The following CSMD1 variants were observed in gnomAD, a reference collection of about 807,000 sequenced individuals.
CSMD1 encodes the protein CUB and Sushi multiple domains 1.
Under a neutral mutation model 417.5 loss-of-function variants are expected in CSMD1, and 213 were observed. The ratio of observed to expected loss-of-function variants is 0.51; its 90% CI spans 0.46 to 0.57. The LOEUF is 0.57. CSMD1 is among the 20% of genes least tolerant of loss of function. The probability of loss-of-function intolerance (pLI) is 0.00; values close to 1 mark genes in which losing one functional copy is unlikely to be tolerated. For missense variants in CSMD1, 6,923 were observed against 4,529.7 expected, an observed-to-expected ratio of 1.53 and a Z score of -15.17; for synonymous variants, 2,862 against 1,736.8, an observed-to-expected ratio of 1.65 and a Z score of -16.11.
intron 3 of CSMD1, among the ~76,000 whole-genome samples, chr8:4,068,323 G>C (rs74561091): frequency 7.0e-4 from 106 of 152,256 alleles, no homozygotes; most frequent in Admixed American, 1.3e-3. Flanking sequence ...AGAGCTGTGA[G>C]GCCAGCATGA....
At chr8:4,053,246 G>C (rs954668223) in intron 3 of CSMD1, among the ~76,000 whole-genome samples, 1 of 152,212 alleles carries the variant, frequency 6.6e-6, no homozygotes, top group African/African-American at 2.4e-5. Context: ...TTAGAACTTA[G>C]ACTACCAAGA....
At chr8:4,493,092 C>G (rs1191310022) in intron 2 of CSMD1, among the ~76,000 whole-genome samples, 3 of 152,124 alleles carry the variant, frequency 2.0e-5, no homozygotes, top group Non-Finnish European at 4.4e-5. Context: ...TAAAAGTATA[C>G]TGAACCATCT....
chr8:4,311,917 A>C, intron 3 of CSMD1, among the ~76,000 whole-genome samples: 1 of 152,032 alleles, frequency 6.6e-6, no homozygotes, highest in East Asian at 1.9e-4. Context: ...CATGACACTT[A>C]TTTACCTGTG....
chr8:3,466,618 G>A (rs112544899), intron 12 of CSMD1, among the ~76,000 whole-genome samples: 2,399 of 143,118 alleles, frequency 0.017, 85 homozygotes, highest in African/African-American at 0.059. Context: ...AGGAGAGATA[G>A]GGGTTTCACC....
At chr8:3,188,651 T>A (rs1179764517) in intron 35 of CSMD1, among the ~76,000 whole-genome samples, 6 of 151,810 alleles carry the variant, frequency 4.0e-5, no homozygotes, top group South Asian at 2.1e-4. Context: ...GTTTTTATTT[T>A]AAAAAATTGA....
chr8:4,994,106 G>A (rs78321569), intron 1 of CSMD1, among the ~76,000 whole-genome samples: 1 of 151,980 alleles, frequency 6.6e-6, no homozygotes, highest in Non-Finnish European at 1.5e-5. Context: ...GTGAGCCCAA[G>A]AGAGGGGGAA....
At chr8:4,720,262 T>G (rs1056491806) in intron 1 of CSMD1, among the ~76,000 whole-genome samples, 27 of 152,002 alleles carry the variant, frequency 1.8e-4, no homozygotes, top group Non-Finnish European at 2.9e-4. Flanking sequence ...TTTGGAAAAG[T>G]TGGAAAAATT....
chr8:3,483,457 T>G (rs1188562248), intron 11 of CSMD1, among the ~76,000 whole-genome samples: 1 of 152,016 alleles, frequency 6.6e-6, no homozygotes, highest in South Asian at 2.1e-4. Context: ...ATCTAAATAG[T>G]CCTTTATTAT....
intron 5 of CSMD1, among the ~76,000 whole-genome samples, chr8:3,865,229 T>C (rs1805002578): frequency 6.6e-6 from 1 of 152,254 alleles, no homozygotes; most frequent in South Asian, 2.1e-4. Context: ...TCATCATCTC[T>C]GTCCTCAACT....
intron 2 of CSMD1, among the ~76,000 whole-genome samples, chr8:4,449,920 G>A (rs1283381447): frequency 2.6e-5 from 4 of 152,154 alleles, no homozygotes; most frequent in African/African-American, 9.7e-5. Flanking sequence ...TGGGCACCAT[G>A]CCCAATACAC....
chr8:4,151,936 T>C (rs937881191), intron 3 of CSMD1, among the ~76,000 whole-genome samples: 1 of 152,192 alleles, frequency 6.6e-6, no homozygotes, highest in Non-Finnish European at 1.5e-5. Context: ...AAGTTTTGCC[T>C]GCATAAAATC....
At chr8:3,792,820 C>G (rs567904857) in intron 5 of CSMD1, among the ~76,000 whole-genome samples, 77 of 152,328 alleles carry the variant, frequency 5.1e-4, no homozygotes, top group African/African-American at 1.8e-3. Flanking sequence ...AGAGAAACAA[C>G]TACTCTCTGT....
intron 2 of CSMD1, among the ~76,000 whole-genome samples, chr8:4,474,864 T>G (rs1016970595): frequency 6.6e-6 from 1 of 152,222 alleles, no homozygotes; most frequent in Non-Finnish European, 1.5e-5. Flanking sequence ...TCCTTATGAC[T>G]TTCTTAACAT....
chr8:4,922,547 T>A (rs116384196), intron 1 of CSMD1, among the ~76,000 whole-genome samples: 5,800 of 152,306 alleles, frequency 0.038, 127 homozygotes, highest in South Asian at 0.054. Flanking sequence ...CCCTTTCAGT[T>A]TTTAAGTGCA....
chr8:4,032,943 T>C (rs959450400), intron 3 of CSMD1, among the ~76,000 whole-genome samples: 2 of 152,034 alleles, frequency 1.3e-5, no homozygotes, highest in Non-Finnish European at 2.9e-5. Flanking sequence ...GAATTACTGA[T>C]AGAACAGGCT....
At chr8:3,640,438 T>C (rs1378264978) in intron 7 of CSMD1, among the ~76,000 whole-genome samples, 3 of 152,234 alleles carry the variant, frequency 2.0e-5, no homozygotes, top group Admixed American at 2.0e-4. Flanking sequence ...CTTTCCTATG[T>C]CCTCGGACTC....
At chr8:3,633,412 G>A (rs1318672290) in intron 7 of CSMD1, among the ~76,000 whole-genome samples, 2 of 152,190 alleles carry the variant, frequency 1.3e-5, no homozygotes, top group Non-Finnish European at 2.9e-5. Flanking sequence ...AGACTTCACA[G>A]TGAATGGTTG....
intron 25 of CSMD1, among the ~76,000 whole-genome samples, chr8:3,286,161 C>G (rs141040973): frequency 2.6e-5 from 4 of 152,010 alleles, no homozygotes; most frequent in Non-Finnish European, 5.9e-5. Context: ...TGAACTCATA[C>G]TTCTTTATGG....
chr8:3,904,381 G>A (rs376954667), intron 5 of CSMD1, among the ~76,000 whole-genome samples: 9 of 152,022 alleles, frequency 5.9e-5, no homozygotes, highest in African/African-American at 2.2e-4. Context: ...TTATTGCAAT[G>A]GAAACCTCTT....
Sources: allele counts gnomAD v4.1 joint callset (sites outside exome capture counted in the v4.1 genomes callset), GRCh38; gene constraint gnomAD v4.1.1; transcripts MANE v1.5; gene names NCBI Gene and HGNC (gene_info 2026-07-23, HGNC 2026-07-21).